Variants in DHRSX observed in about 807,000 individuals in gnomAD.
The protein encoded by DHRSX is polyprenol dehydrogenase.
Under a neutral mutation model 34.0 loss-of-function variants are expected in DHRSX, and 31 were observed. The observed-to-expected ratio is 0.91, with a 90% confidence interval of 0.69 to 1.23. The LOEUF is 1.23. DHRSX is among the 50% of genes most tolerant of loss of function. The pLI, the probability that DHRSX is intolerant of heterozygous loss-of-function variation, is 0.00. For missense variants in DHRSX, 414 were observed against 428.1 expected, an observed-to-expected ratio of 0.97 and a Z score of 0.29; for synonymous variants, 201 against 183.8, an observed-to-expected ratio of 1.09 and a Z score of -0.76.
At chrX:2,464,550 C>A (rs754810956) in intron 1 of DHRSX, among the ~76,000 whole-genome samples, 18 of 143,812 alleles carry the variant, frequency 1.3e-4, no homozygotes, top group East Asian at 2.0e-4. Context: ...GGTAAGGGAC[C>A]CCCGCCATGT....
chrX:2,403,426 A>C (rs769266004), intron 3 of DHRSX, among the ~76,000 whole-genome samples: 1 of 152,194 alleles, frequency 6.6e-6, no homozygotes, highest in African/African-American at 2.4e-5. Flanking sequence ...CGGTATTTAT[A>C]TGCCACAAGT....
At chrX:2,406,733 G>A (rs1041075621) in intron 3 of DHRSX, among the ~76,000 whole-genome samples, 8 of 152,218 alleles carry the variant, frequency 5.3e-5, no homozygotes, top group South Asian at 2.1e-4. Context: ...CAGCCACCAC[G>A]CTGGCCAGAA....
intron 2 of DHRSX, among the ~76,000 whole-genome samples, chrX:2,411,533 C>A (rs191413181): frequency 1.2e-4 from 17 of 136,254 alleles, no homozygotes; most frequent in Admixed American, 8.7e-4. Flanking sequence ...CCAGCCTGGG[C>A]GACAGAGCCC....
chrX:2,242,094 G>A lies in DHRSX; in HGVS notation c.804+929C>T, dbSNP rs139130746. On this transcript the variant is annotated intron_variant, in intron 6 of 6. Transcript: ENST00000334651. ...GACACAAGCGTCTGTACCCCTTTGTGTAATGGGGCAATTCCTCTGACATTC... is the reference window on the plus strand; with the variant it reads ...GACACAAGCGTCTGTACCCCTTTGTATAATGGGGCAATTCCTCTGACATTC... Among the ~76,000 whole-genome samples, 694 of 152,176 alleles carry A rather than the reference G, an allele frequency of 4.6e-3. 8 individuals carry two copies. Among genetic ancestry groups the A allele is most frequent in the African/African-American group, 0.016 (657 of 41,510 alleles).
intron 3 of DHRSX, among the ~76,000 whole-genome samples, chrX:2,394,414 G>A (rs917417342): frequency 1.3e-5 from 2 of 152,212 alleles, no homozygotes; most frequent in Admixed American, 1.3e-4. Context: ...ACAGCTACAG[G>A]TGATATGATG....
intron 1 of DHRSX, among the ~76,000 whole-genome samples, chrX:2,490,939 G>A (rs934444287): frequency 2.0e-5 from 3 of 152,186 alleles, no homozygotes; most frequent in African/African-American, 7.2e-5. Flanking sequence ...GTGGAGGAGG[G>A]AACCTAGCGC....
At chrX:2,386,689 T>C (rs2043276208) in intron 3 of DHRSX, among the ~76,000 whole-genome samples, 1 of 152,248 alleles carries the variant, frequency 6.6e-6, no homozygotes. Context: ...TAATCAAATA[T>C]GTTAGTTGAG....
chrX:2,261,999 T>C (rs1398471656), intron 5 of DHRSX, among the ~76,000 whole-genome samples: 1 of 152,190 alleles, frequency 6.6e-6, no homozygotes, highest in Non-Finnish European at 1.5e-5. Context: ...CAAGTGCTGC[T>C]GGCTGTGCCA....
chrX:2,488,474 C>A (rs181626638), intron 1 of DHRSX: 32 of 995,888 alleles, frequency 3.2e-5, no homozygotes, highest in African/African-American at 4.9e-5. Context: ...CGCCCCCGAC[C>A]CTCTCTCACT....
At chrX:2,433,793 G>C (rs1380475306) in intron 1 of DHRSX, among the ~76,000 whole-genome samples, 1 of 151,760 alleles carries the variant, frequency 6.6e-6, no homozygotes, top group Non-Finnish European at 1.5e-5. Context: ...TTTCTTTTTT[G>C]AGATGGAGTC....
In DHRSX at chrX:2,363,373, A is replaced by G. The variant is rs1298229468; in HGVS notation, c.286+45372T>C. Among the ~76,000 whole-genome samples the G allele has an allele frequency of 7.3e-5, 10 of 137,434 alleles. 1 individual carries two copies. Among genetic ancestry groups the G allele is most frequent in the South Asian group, 2.5e-4 (1 of 4,080 alleles). The allele number at this position is 137,434 out of a possible 152,430, so 90.2% of individuals were successfully genotyped here. On this transcript the variant is annotated intron_variant, in intron 3 of 6. Transcript: ENST00000334651. ...CATGCCTCCATTTTATCACTGTTCT[A>G]TGGTGTCATGCCGCCATTTTATCAC...
intron 1 of DHRSX, among the ~76,000 whole-genome samples, chrX:2,426,088 G>A (rs1160665597): frequency 6.6e-6 from 1 of 152,124 alleles, no homozygotes; most frequent in Non-Finnish European, 1.5e-5. Flanking sequence ...ATGAAAGACA[G>A]GTTCATAGGT....
chrX:2,373,237 A>G (rs894671187), intron 3 of DHRSX, among the ~76,000 whole-genome samples: 10 of 152,222 alleles, frequency 6.6e-5, no homozygotes, highest in Non-Finnish European at 1.3e-4. Context: ...ACCTGGCCCC[A>G]CCCTTCACAG....
chrX:2,343,938 G>A (rs1326327607), intron 3 of DHRSX, among the ~76,000 whole-genome samples: 1 of 152,200 alleles, frequency 6.6e-6, no homozygotes, highest in Non-Finnish European at 1.5e-5. Context: ...CCGGCACACA[G>A]GCTCCAGTAC....
At chrX:2,450,013 G>A (rs1251668624) in intron 1 of DHRSX, among the ~76,000 whole-genome samples, 7 of 152,040 alleles carry the variant, frequency 4.6e-5, no homozygotes, top group East Asian at 1.9e-4. Context: ...ACAGATTACC[G>A]AATTACACTG....
intron 3 of DHRSX, among the ~76,000 whole-genome samples, chrX:2,390,289 CCCA>C (rs2043320690): frequency 6.6e-6 from 1 of 151,614 alleles, no homozygotes; most frequent in South Asian, 2.1e-4. Flanking sequence ...ATTATAGGCG[CCCA>C]CCACCACACT....
intron 3 of DHRSX, among the ~76,000 whole-genome samples, chrX:2,313,500 C>T (rs1342821129): frequency 2.0e-5 from 3 of 152,002 alleles, no homozygotes; most frequent in South Asian, 2.1e-4. Flanking sequence ...TCCCAAATAG[C>T]TGGGACTACA....
chrX:2,354,398 G>T (rs1172786984), intron 3 of DHRSX, among the ~76,000 whole-genome samples: 1 of 152,310 alleles, frequency 6.6e-6, no homozygotes, highest in African/African-American at 2.4e-5. Context: ...GAGAGCAGGT[G>T]CTCACAGACA....
Position 2,331,444 on chromosome X carries a change from T to G in DHRSX, c.287-39841A>C, listed in dbSNP as rs1180477546. On this transcript the variant is annotated intron_variant, in intron 3 of 6. Transcript: ENST00000334651. Reference sequence around the variant, plus strand: ...TTCAGGAAGGTTTTTTGGTTTTTTTTTTTTTTTTTTTTTTTTTTTTGAGAC... The same window carrying G: ...TTCAGGAAGGTTTTTTGGTTTTTTTGTTTTTTTTTTTTTTTTTTTTGAGAC... Among the ~76,000 whole-genome samples, 329 of 67,624 alleles carry G rather than the reference T, an allele frequency of 4.9e-3. 3 individuals are homozygous for G. The highest frequency in any genetic ancestry group is 0.03 in the Middle Eastern group (4 of 132). 44.4% of individuals were successfully genotyped at this position (67,624 alleles called of 152,430 possible).
Sources: gnomAD v4.1 joint callset for allele counts (sites outside exome capture counted in the v4.1 genomes callset) on GRCh38, gnomAD v4.1.1 for gene constraint, MANE v1.5 for transcripts, NCBI Gene and HGNC (gene_info 2026-07-23, HGNC 2026-07-21) for gene names.